The following ADGB variants were observed in gnomAD, a reference collection of about 807,000 sequenced individuals.
ADGB encodes calpain-7-like protein.
Under a neutral mutation model 210.5 loss-of-function variants are expected in ADGB, and 172 were observed. The ratio of observed to expected loss-of-function variants is 0.82; its 90% CI spans 0.72 to 0.93. The LOEUF (loss-of-function observed/expected upper bound fraction) is 0.93, where lower values mean the gene tolerates loss of function less well. Ranked by LOEUF, ADGB falls within the 40% of genes least tolerant of loss-of-function variation. The probability of loss-of-function intolerance (pLI) is 0.00; values close to 1 mark genes in which losing one functional copy is unlikely to be tolerated. For synonymous variants in ADGB, 658 were observed against 662.7 expected (o/e 0.99, Z 0.11); for missense variants, 2,025 against 1,964.8 (o/e 1.03, Z -0.58).
chr6:146,707,849 G>A (rs1359470465), intron 13 of ADGB, among the ~76,000 whole-genome samples: 3 of 151,942 alleles, frequency 2.0e-5, no homozygotes, highest in Non-Finnish European at 4.4e-5. Context: ...ATGATTATTG[G>A]TAGGTAAGCA....
chr6:146,696,690 T>C (rs1452112928), intron 12 of ADGB, among the ~76,000 whole-genome samples: 1 of 152,144 alleles, frequency 6.6e-6, no homozygotes, highest in Non-Finnish European at 1.5e-5. Context: ...ACTGCTTTGG[T>C]GAGATGTCAA....
chr6:146,769,193 TTAA>T (rs1777618819), intron 29 of ADGB, 62 bp downstream of exon 29: 1 of 784,288 alleles, frequency 1.3e-6, no homozygotes, highest in African/African-American at 1.7e-5. Flanking sequence ...ATTTAAATAT[TTAA>T]TAATAAATTG....
intron 1 of ADGB, among the ~76,000 whole-genome samples, chr6:146,633,164 G>T (rs1781088547): frequency 6.6e-6 from 1 of 151,940 alleles, no homozygotes; most frequent in African/African-American, 2.4e-5. Flanking sequence ...CCGTACCACG[G>T]TCTTCTGTCG....
intron 3 of ADGB, among the ~76,000 whole-genome samples, chr6:146,650,795 G>A (rs1027818759): frequency 1.3e-5 from 2 of 151,990 alleles, no homozygotes; most frequent in South Asian, 2.1e-4. Context: ...AGACACAAAC[G>A]CCAACGGATC....
chr6:146,656,053 T>G (rs1562266230), intron 4 of ADGB, among the ~76,000 whole-genome samples: 1 of 151,962 alleles, frequency 6.6e-6, no homozygotes, highest in African/African-American at 2.4e-5. Flanking sequence ...ATGTGAAAAA[T>G]AGCTACTATT....
chr6:146,752,456 C>A, intron 26 of ADGB, 74 bp from the exon 27 acceptor site: 1 of 1,362,470 alleles, frequency 7.3e-7, no homozygotes. Context: ...GACATATATC[C>A]AAACTATCTC....
At chr6:146,672,596 C>T (rs1386333489) in intron 8 of ADGB, 129 bp downstream of exon 8, 1 of 1,105,468 alleles carries the variant, frequency 9.0e-7, no homozygotes, top group Non-Finnish European at 1.2e-6. Flanking sequence ...TTGGATCTCA[C>T]ACAGTAGGGA....
chr6:146,654,649 G>C (rs928390319), intron 4 of ADGB, among the ~76,000 whole-genome samples: 19 of 151,980 alleles, frequency 1.3e-4, no homozygotes, highest in Admixed American at 1.3e-4. Context: ...CCTGTTCCTG[G>C]CCAAAAATTG....
chr6:146,656,958 A>T lies in ADGB; in HGVS notation c.590A>T (p.Tyr197Phe). Residue 197 changes from tyrosine (Y) to phenylalanine (F), a missense_variant, in exon 5 of 36, where the codon TAT becomes TTT. Coordinates refer to ENST00000397944, the MANE Select transcript of ADGB (RefSeq NM_024694.4). ...CCTTTGTTCAATAGCTATGGAAAGTATGTTGTGAAACTTTACTGGATGGTA... is the reference window on the plus strand; with the variant it reads ...CCTTTGTTCAATAGCTATGGAAAGTTTGTTGTGAAACTTTACTGGATGGTA... ...HMPLFNSYGK[Y>F]VVKLYWMGCW... 6.4e-7 allele frequency: 1 copy of T among 1,551,238 alleles called. No individual in the cohort carries two copies.
chr6:146,726,990 G>A (rs1776904704), intron 19 of ADGB, among the ~76,000 whole-genome samples: 1 of 151,836 alleles, frequency 6.6e-6, no homozygotes, highest in African/African-American at 2.4e-5. Context: ...TCTTCTCCTT[G>A]GTTTCTCTTG....
chr6:146,751,597 C>T (rs568453308), intron 26 of ADGB, among the ~76,000 whole-genome samples: 178 of 152,206 alleles, frequency 1.2e-3, no homozygotes, highest in Non-Finnish European at 1.9e-3. Flanking sequence ...TTCTCACCAA[C>T]GGTGTAAAAG....
intron 29 of ADGB, among the ~76,000 whole-genome samples, chr6:146,773,818 G>A (rs1056166395): frequency 1.3e-5 from 2 of 152,138 alleles, no homozygotes; most frequent in Non-Finnish European, 2.9e-5. Flanking sequence ...GATATTGATG[G>A]TACTGGTAGT....
Position 146,726,161 on chromosome 6 carries a change from T to A in ADGB, c.2316T>A (p.Ile772=), listed in dbSNP as rs913291152. Residue 772 remains isoleucine (I), a synonymous_variant, in exon 19 of 36, where the codon ATT becomes ATA. Coordinates refer to ENST00000397944, the MANE Select transcript of ADGB (RefSeq NM_024694.4). Reference sequence around the variant, plus strand: ...TCTGCAGCATGGTGTCATTTGTCATTGGGGATGAACACGTTGTACTGCCCA... The same window carrying A: ...TCTGCAGCATGGTGTCATTTGTCATAGGGGATGAACACGTTGTACTGCCCA... ...IHICSMVSFV[I]GDEHVVLPNF... is the part of the protein sequence containing the mutation. 14 of 1,549,970 alleles carry A rather than the reference T, an allele frequency of 9.0e-6. No homozygotes were observed. Among genetic ancestry groups the A allele is most frequent in the Non-Finnish European group, 1.2e-5 (14 of 1,145,400 alleles).
intron 26 of ADGB, among the ~76,000 whole-genome samples, 163 bp downstream of exon 26, chr6:146,746,272 C>T (rs931721572): frequency 8.6e-5 from 13 of 151,970 alleles, no homozygotes; most frequent in Non-Finnish European, 1.5e-4. Context: ...GTGGGTGTTA[C>T]GTAAGATTAA....
At chr6:146,600,959 CACACACAA>C (rs1350301406) in intron 1 of ADGB, among the ~76,000 whole-genome samples, 1 of 148,298 alleles carries the variant, frequency 6.7e-6, no homozygotes, top group Non-Finnish European at 1.5e-5. Flanking sequence ...CACACACACA[CACACACAA>C]ATAACTAAGT....
intron 29 of ADGB, among the ~76,000 whole-genome samples, chr6:146,776,027 TC>T (rs1402024804): frequency 3.9e-5 from 6 of 152,136 alleles, no homozygotes; most frequent in African/African-American, 1.4e-4. Flanking sequence ...TTTATATGTT[TC>T]GTTATCCACT....
intron 33 of ADGB, among the ~76,000 whole-genome samples, chr6:146,793,327 T>C (rs762335792): frequency 3.3e-5 from 5 of 152,196 alleles, no homozygotes; most frequent in Non-Finnish European, 7.3e-5. Flanking sequence ...AAGTCCCCAC[T>C]TGACCCAGGA....
At chr6:146,743,636 G>A (rs1427329668) in intron 25 of ADGB, among the ~76,000 whole-genome samples, 3 of 152,146 alleles carry the variant, frequency 2.0e-5, no homozygotes, top group Non-Finnish European at 4.4e-5. Flanking sequence ...AGTTAAGGCC[G>A]GGCGCAGTGG....
At chr6:146,715,297 C>A in intron 13 of ADGB, 85 bp from the exon 14 acceptor site, 1 of 1,126,578 alleles carries the variant, frequency 8.9e-7, no homozygotes, top group Non-Finnish European at 1.3e-6. Flanking sequence ...TTTAAAAAAA[C>A]TATATTAGCT....
Sources: gnomAD v4.1 joint callset for allele counts (sites outside exome capture counted in the v4.1 genomes callset) on GRCh38, gnomAD v4.1.1 for gene constraint, MANE v1.5 for transcripts, NCBI Gene and HGNC (gene_info 2026-07-23, HGNC 2026-07-21) for gene names.